FER: variants seen among roughly 807,000 people sequenced by gnomAD.
FER encodes the protein tyrosine-protein kinase Fer.
Under a neutral mutation model 111.0 loss-of-function variants are expected in FER, and 63 were observed. The ratio of observed to expected loss-of-function variants is 0.57; its 90% CI spans 0.46 to 0.70. The LOEUF is 0.70. Among genes scored for constraint, FER ranks in the 30% least tolerant of loss-of-function variants. The pLI is 0.00. For missense variants in FER, 914 were observed against 954.0 expected (o/e 0.96, Z 0.55); for synonymous variants, 327 against 313.9 (o/e 1.04, Z -0.44).
chr5:108,849,387 T>C (rs1038366694), intron 5 of FER, among the ~76,000 whole-genome samples: 1 of 152,144 alleles, frequency 6.6e-6, no homozygotes, highest in Non-Finnish European at 1.5e-5. Flanking sequence ...TCTATGACTA[T>C]GTCTAACAGT....
intron 13 of FER, among the ~76,000 whole-genome samples, chr5:109,005,040 A>T (rs1324140407): frequency 6.6e-6 from 1 of 152,136 alleles, no homozygotes; most frequent in Non-Finnish European, 1.5e-5. Context: ...GGAACTTATT[A>T]CTATCCATCC....
chr5:108,963,999 A>G (rs945918968), intron 13 of FER, among the ~76,000 whole-genome samples: 15 of 152,198 alleles, frequency 9.9e-5, no homozygotes, highest in Non-Finnish European at 2.1e-4. Flanking sequence ...TCATCATTTT[A>G]TGAAATCAGT....
chr5:108,776,949 C>G (rs1308332554), intron 2 of FER, among the ~76,000 whole-genome samples: 1 of 152,180 alleles, frequency 6.6e-6, no homozygotes, highest in Non-Finnish European at 1.5e-5. Flanking sequence ...GTGTAATATT[C>G]TGTTTCTGCC....
At chr5:109,080,965 A>G (rs1776921792) in intron 16 of FER, among the ~76,000 whole-genome samples, 1 of 152,040 alleles carries the variant, frequency 6.6e-6, no homozygotes, top group African/African-American at 2.4e-5. Flanking sequence ...ATAAAATATG[A>G]TTTCATGCAA....
chr5:109,166,745 G>A (rs1561981546), intron 17 of FER, among the ~76,000 whole-genome samples: 2 of 152,158 alleles, frequency 1.3e-5, no homozygotes, highest in East Asian at 3.9e-4. Context: ...GGGCTGGAGA[G>A]TATAACATAC....
rs185289972 is a variant in FER at position 108,862,788 on chromosome 5, G to A, written c.482-4979G>A. Among the ~76,000 whole-genome samples the A allele has an allele frequency of 3.0e-4, 46 of 151,712 alleles. No individual in the cohort carries two copies. In the East Asian group the frequency reaches 4.7e-3, roughly 15 times the overall value. ...TTTGAACTGTTGTCAGAATTAATTTGTTCAATTTCAAGTAGTTAACAGAAA... is the reference window on the plus strand; with the variant it reads ...TTTGAACTGTTGTCAGAATTAATTTATTCAATTTCAAGTAGTTAACAGAAA... On this transcript the variant is annotated intron_variant, in intron 5 of 19. Coordinates refer to ENST00000281092, the MANE Select transcript of FER (RefSeq NM_005246.4).
At chr5:108,820,425 G>A in intron 3 of FER, 2 of 985,366 alleles carry the variant, frequency 2.0e-6, no homozygotes, top group Non-Finnish European at 2.4e-6. Context: ...TCTGGTTACT[G>A]TTCTTCAAAA....
At chr5:109,054,868 T>C (rs1010302906) in intron 16 of FER, among the ~76,000 whole-genome samples, 2 of 152,226 alleles carry the variant, frequency 1.3e-5, no homozygotes, top group Non-Finnish European at 2.9e-5. Flanking sequence ...ACTTAACTTT[T>C]TACCTTCATA....
chr5:109,148,290 C>CT (rs1158046403), intron 17 of FER, among the ~76,000 whole-genome samples: 3 of 152,050 alleles, frequency 2.0e-5, no homozygotes, highest in Non-Finnish European at 4.4e-5. Flanking sequence ...TTTGAGGCAT[C>CT]TTTATTTTTA....
At chr5:108,993,777 G>C (rs1763643236) in intron 13 of FER, among the ~76,000 whole-genome samples, 1 of 152,260 alleles carries the variant, frequency 6.6e-6, no homozygotes, top group South Asian at 2.1e-4. Flanking sequence ...TTTCTCCATA[G>C]CCTTGCCAGC....
intron 3 of FER, among the ~76,000 whole-genome samples, chr5:108,825,807 G>A (rs1029726037): frequency 2.6e-5 from 4 of 152,126 alleles, no homozygotes; most frequent in Admixed American, 6.5e-5. Flanking sequence ...CATAATCCAC[G>A]TTCTTCTGTC....
chr5:109,130,788 C>A (rs1752273704), intron 17 of FER, among the ~76,000 whole-genome samples: 1 of 152,046 alleles, frequency 6.6e-6, no homozygotes, highest in African/African-American at 2.4e-5. Flanking sequence ...TAGTGGCTGC[C>A]ATACCAAACA....
chr5:108,759,169 A>C (rs1481490863), intron 1 of FER, among the ~76,000 whole-genome samples: 1 of 152,218 alleles, frequency 6.6e-6, no homozygotes, highest in Non-Finnish European at 1.5e-5. Context: ...GCATGTGGAC[A>C]ACAAAAACCC....
In FER at chr5:108,897,663, G is replaced by T; in HGVS notation, c.1051G>T (p.Val351Leu). Reference protein sequence around the residue: ...SETCEKKSDIVLLLSQKQALE... With the variant: ...SETCEKKSDILLLLSQKQALE... ...TTTATATTTATTCTCTTTTAGTATT[G>T]TGCTTCTGCTAAGCCAAAAACAGGC... is the stretch of plus-strand genomic sequence containing the variant. Residue 351 changes from valine (V) to leucine (L), a missense_variant, in exon 10 of 20, where the codon GTG becomes TTG. Val to Leu is a conservative substitution (Grantham distance 32, BLOSUM62 1). Around this residue, in one of 3 missense-constraint regions of FER, gnomAD observed 774 missense variants for 782.6 expected, o/e 0.99. Coordinates refer to ENST00000281092, the MANE Select transcript of FER (RefSeq NM_005246.4). 2 of 1,584,738 alleles carry T rather than the reference G, an allele frequency of 1.3e-6. No individual in the cohort carries two copies. Among genetic ancestry groups the T allele is most frequent in the Non-Finnish European group, 8.6e-7 (1 of 1,168,928 alleles).
At chr5:109,039,135 A>G (rs1770792030) in intron 14 of FER, among the ~76,000 whole-genome samples, 2 of 152,032 alleles carry the variant, frequency 1.3e-5, no homozygotes, top group Admixed American at 6.6e-5. Context: ...TGGCTAATTA[A>G]GACAATTAGC....
At chr5:108,997,241 TA>T (rs777216661) in intron 13 of FER, among the ~76,000 whole-genome samples, 197 of 133,212 alleles carry the variant, frequency 1.5e-3, no homozygotes, top group East Asian at 3.3e-3. Context: ...CCGTCTCTAC[TA>T]AAAAAAAAAA....
intron 17 of FER, among the ~76,000 whole-genome samples, chr5:109,141,162 A>G (rs942652041): frequency 6.6e-6 from 1 of 152,168 alleles, no homozygotes; most frequent in Non-Finnish European, 1.5e-5. Context: ...ACAGAATACT[A>G]GGGAGGGCCT....
At chr5:108,900,273 C>T (rs1418677817) in intron 10 of FER, among the ~76,000 whole-genome samples, 1 of 152,138 alleles carries the variant, frequency 6.6e-6, no homozygotes, top group African/African-American at 2.4e-5. Flanking sequence ...ATTCCTAAAA[C>T]TTAAGAATAC....
At chr5:109,108,758 A>AT in intron 17 of FER, among the ~76,000 whole-genome samples, 1 of 152,150 alleles carries the variant, frequency 6.6e-6, no homozygotes, top group South Asian at 2.1e-4. Flanking sequence ...ATTCTGGGGA[A>AT]TTCATCAGAA....
Sources: gnomAD v4.1 joint callset for allele counts (sites outside exome capture counted in the v4.1 genomes callset) on GRCh38, gnomAD v4.1.1 for gene constraint, gnomAD v4.1.1 regional missense constraint, MANE v1.5 for transcripts, NCBI Gene and HGNC (gene_info 2026-07-23, HGNC 2026-07-21) for gene names.